Variants in CDH26 observed in about 807,000 individuals in gnomAD.
CDH26 encodes the protein cadherin-like protein 26.
A neutral mutation model predicts 90.3 loss-of-function variants in CDH26; 83 were observed. The observed-to-expected ratio is 0.92, with a 90% confidence interval of 0.77 to 1.10. The LOEUF (loss-of-function observed/expected upper bound fraction) is 1.10. Among genes scored for constraint, CDH26 ranks in the 50% least tolerant of loss-of-function variants. CDH26 has a pLI of 0.00. For missense variants in CDH26, 1,013 were observed against 1,037.6 expected (o/e 0.98, Z 0.33); for synonymous variants, 397 against 396.3 (o/e 1.00, Z -0.02).
chr20:60,007,602 C>G (rs187751), intron 17 of CDH26, among the ~76,000 whole-genome samples: 30,825 of 152,068 alleles, frequency 0.2, 7,135 homozygotes, highest in African/African-American at 0.57. Flanking sequence ...CTTTCTAGGA[C>G]AGCAGTGATA....
intron 8 of CDH26, among the ~76,000 whole-genome samples, chr20:60,032,536 G>C (rs1033030485): frequency 6.6e-6 from 1 of 152,072 alleles, no homozygotes; most frequent in Non-Finnish European, 1.5e-5. Context: ...CTGCTATAAA[G>C]ACACATGCAC....
intron 1 of CDH26, among the ~76,000 whole-genome samples, chr20:59,967,957 ATCTT>A (rs1162039272): frequency 0.23 from 13,348 of 59,246 alleles, 1,700 homozygotes; most frequent in Non-Finnish European, 0.26. Context: ...CTTTCTTTCT[ATCTT>A]TCTTTCTTTC....
rs1057173677 is a variant in CDH26, at chr20:59,984,576, C to G, written c.542-63C>G. On this transcript the variant is annotated intron_variant, in intron 5 of 17. Coordinates refer to ENST00000348616, the MANE Select transcript of CDH26 (RefSeq NM_177980.4). ...CAATGCCATTTAGCAAATAATTCATCCTCTTACTGGTTTGATAGGCTACCT... is the reference window on the plus strand; with the variant it reads ...CAATGCCATTTAGCAAATAATTCATGCTCTTACTGGTTTGATAGGCTACCT... 55 of 1,373,036 alleles carry G rather than the reference C, an allele frequency of 4.0e-5. No individual in the cohort carries two copies. The African/African-American group carries it at 7.1e-4, about 18-fold the overall frequency. 85.1% of individuals were successfully genotyped at this position (1,373,036 alleles called of 1,614,324 possible). A position where few individuals can be genotyped will look rare whatever the true frequency, so the allele number is the denominator to read the frequency against.
intron 7 of CDH26, among the ~76,000 whole-genome samples, chr20:60,023,578 A>C (rs959199448): frequency 6.6e-6 from 1 of 151,970 alleles, no homozygotes; most frequent in Non-Finnish European, 1.5e-5. Flanking sequence ...AAAAAAAAAA[A>C]GCATTAGCTG....
At chr20:59,994,527 A>G (rs759122986) in intron 11 of CDH26, 38 bp downstream of exon 11, 1 of 1,606,464 alleles carries the variant, frequency 6.2e-7, no homozygotes. Flanking sequence ...AGAGTGGAAA[A>G]TGCCAGATAT....
chr20:60,029,267 C>T (rs1488211654), intron 7 of CDH26, among the ~76,000 whole-genome samples: 1 of 151,442 alleles, frequency 6.6e-6, no homozygotes, highest in Non-Finnish European at 1.5e-5. Context: ...CAACGTGGCA[C>T]CTATAGTCAA....
At position 59,984,771 on chromosome 20, in the gene CDH26, GAGA is replaced by G; in HGVS notation, c.676_678del (p.Glu226del). On this transcript the variant is annotated inframe_deletion, in exon 6 of 18. Coordinates refer to ENST00000348616, the MANE Select transcript of CDH26 (RefSeq NM_177980.4). ...GGTTTCCGGGTTGATCGCCTTAGTGGAGAAATACGACTCTCTGGCTGCTTAGAT... is the reference window on the plus strand; with the variant it reads ...GGTTTCCGGGTTGATCGCCTTAGTGGAATACGACTCTCTGGCTGCTTAGAT... The G allele has an allele frequency of 2.5e-6, 4 of 1,612,738 alleles. No individual in the cohort carries two copies. The highest frequency in any genetic ancestry group is 3.4e-6 in the Non-Finnish European group (4 of 1,179,670).
chr20:60,026,759 C>T (rs755744071), intron 7 of CDH26, among the ~76,000 whole-genome samples: 10 of 152,222 alleles, frequency 6.6e-5, no homozygotes, highest in Non-Finnish European at 4.4e-5. Flanking sequence ...AGCTGAACTG[C>T]ACTGTGCCCA....
At chr20:59,999,198 T>C (rs1289538275) in intron 13 of CDH26, among the ~76,000 whole-genome samples, 5 of 152,066 alleles carry the variant, frequency 3.3e-5, no homozygotes, top group Non-Finnish European at 7.4e-5. Context: ...ACATATATGT[T>C]GAGTGATAAA....
Position 59,995,870 on chromosome 20 carries a change from A to C in CDH26, c.1704A>C (p.Pro568=), listed in dbSNP as rs759210872. The C allele has an allele frequency of 3.1e-6, 5 of 1,614,246 alleles. No homozygotes were observed. In the South Asian group the frequency reaches 5.5e-5, roughly 18 times the overall value. ...SVELLTLRSL[P]RGNYLVPLFI... ...AACTTTTAACCTTGAGAAGCCTGCC[A>C]CGTGGTAATTACTTGGTGCCACTCT... is the stretch of plus-strand genomic sequence containing the variant. The change falls in exon 12 of 18, where the codon CCA becomes CCC. Residue 568 remains proline (P), a synonymous_variant. Transcript: ENST00000348616.
At chr20:60,000,275 G>A (rs1190721999) in intron 14 of CDH26, among the ~76,000 whole-genome samples, 1 of 152,166 alleles carries the variant, frequency 6.6e-6, no homozygotes, top group African/African-American at 2.4e-5. Flanking sequence ...TTTTCTCACC[G>A]TGCAAATCAG....
At chr20:60,002,146 G>T (rs544846538) in intron 15 of CDH26, among the ~76,000 whole-genome samples, 1 of 152,268 alleles carries the variant, frequency 6.6e-6, no homozygotes, top group African/African-American at 2.4e-5. Context: ...CAATTTTTAT[G>T]AGGGAAAGCT....
At chr20:60,002,146 G>A (rs544846538) in intron 15 of CDH26, among the ~76,000 whole-genome samples, 1 of 152,150 alleles carries the variant, frequency 6.6e-6, no homozygotes, top group South Asian at 2.1e-4. Flanking sequence ...CAATTTTTAT[G>A]AGGGAAAGCT....
At chr20:60,035,100 C>A (rs1406355231), downstream of CDH26, among the ~76,000 whole-genome samples, 3 of 152,224 alleles carry the variant, frequency 2.0e-5, no homozygotes, top group African/African-American at 4.8e-5. Flanking sequence ...CCTAAGAGAT[C>A]CTGCCCTGTC....
chr20:59,976,321 C>T (rs906712975), intron 4 of CDH26, among the ~76,000 whole-genome samples: 121 of 152,166 alleles, frequency 8.0e-4, no homozygotes, highest in African/African-American at 2.7e-3. Context: ...CAGAAAATGT[C>T]CATGACATTT....
intron 9 of CDH26, among the ~76,000 whole-genome samples, chr20:59,991,555 T>G (rs1264246899): frequency 6.6e-6 from 1 of 152,216 alleles, no homozygotes; most frequent in African/African-American, 2.4e-5. Context: ...GAACTTTCCC[T>G]AAGAGGTGAA....
At position 60,012,736 on chromosome 20, in the gene CDH26, A is replaced by T; in HGVS notation, c.*6A>T. On this transcript the variant is annotated 3_prime_UTR_variant, in exon 18 of 18. Coordinates refer to ENST00000348616, the MANE Select transcript of CDH26 (RefSeq NM_177980.4). ...AGTCAGGTGTTCCTTCCTAAAAAAA[A>T]AAGTCTATTTTGGAGAATTGAAATA... The T allele has an allele frequency of 1.9e-6, 3 of 1,612,444 alleles. No homozygotes were observed. The highest frequency in any genetic ancestry group is 2.5e-6 in the Non-Finnish European group (3 of 1,179,268).
intron 7 of CDH26, among the ~76,000 whole-genome samples, chr20:60,021,893 C>CATATATATAT (rs1440474881): frequency 1.3e-3 from 117 of 87,482 alleles, no homozygotes; most frequent in African/African-American, 3.9e-3. Flanking sequence ...CACACACACA[C>CATATATATAT]ACACATATAT....
intron 17 of CDH26, among the ~76,000 whole-genome samples, chr20:60,008,587 A>T (rs1392087244): frequency 6.6e-6 from 1 of 152,112 alleles, no homozygotes; most frequent in African/African-American, 2.4e-5. Context: ...GTGAGCCTGG[A>T]CGTCTCCTGC....
Sources: allele counts gnomAD v4.1 joint callset (sites outside exome capture counted in the v4.1 genomes callset), GRCh38; gene constraint gnomAD v4.1.1; transcripts MANE v1.5; gene names NCBI Gene and HGNC (gene_info 2026-07-23, HGNC 2026-07-21).